The following ZNF430 variants were observed in gnomAD, a reference collection of about 807,000 sequenced individuals.
ZNF430 encodes the protein zinc finger protein 430.
A neutral mutation model predicts 56.7 loss-of-function variants in ZNF430; 35 were observed. The ratio of observed to expected loss-of-function variants is 0.62; its 90% CI spans 0.47 to 0.82. The LOEUF is 0.82. ZNF430 is among the 40% of genes least tolerant of loss of function. The pLI is 0.00. For missense variants in ZNF430, 574 were observed against 661.0 expected, an observed-to-expected ratio of 0.87 and a Z score of 1.44; for synonymous variants, 212 against 224.3, an observed-to-expected ratio of 0.94 and a Z score of 0.49.
intron 1 of ZNF430, among the ~76,000 whole-genome samples, chr19:21,022,066 GACCTCAGGTGATCC>G (rs1967700271): frequency 1.3e-5 from 2 of 152,058 alleles, no homozygotes; most frequent in Admixed American, 1.3e-4. Flanking sequence ...TCGAACTCTT[GACCTCAGGTGATCC>G]GCCTGCCTTG....
chr19:21,057,320 A>G lies in ZNF430; in HGVS notation c.1012A>G (p.Ile338Val). 1 of 1,613,472 alleles carries G rather than the reference A, an allele frequency of 6.2e-7. No homozygotes were observed. The highest frequency in any genetic ancestry group is 8.5e-7 in the Non-Finnish European group (1 of 1,179,958). Residue 338 changes from isoleucine to valine, a missense_variant, in exon 5 of 5, where the codon ATT becomes GTT. By Grantham distance (29) the Ile-to-Val change is conservative (BLOSUM62 3). This residue lies in a region of ZNF430 where 346 missense variants were observed against 399.1 expected (regional missense o/e 0.87). Coordinates refer to ENST00000261560, the MANE Select transcript of ZNF430 (RefSeq NM_025189.4). ...CTCACACCTTACTACACATAAGATT[A>G]TTCATACTGGAGAGAAACCCTACAA... ...RSSHLTTHKIIHTGEKPYKCE... is the reference protein window; with the variant it reads ...RSSHLTTHKIVHTGEKPYKCE...
chr19:21,028,098 C>T (rs1173807981), intron 2 of ZNF430, among the ~76,000 whole-genome samples: 1 of 152,092 alleles, frequency 6.6e-6, no homozygotes, highest in Admixed American at 6.5e-5. Flanking sequence ...CTGGCCTCTT[C>T]CTGGGATTTA....
At chr19:21,054,374 G>T (rs1010989808) in intron 4 of ZNF430, among the ~76,000 whole-genome samples, 3 of 147,082 alleles carry the variant, frequency 2.0e-5, no homozygotes, top group Non-Finnish European at 3.0e-5. Context: ...ATTTTTTAAG[G>T]TTTTTTTTTT....
chr19:21,022,103 GCT>G (rs1299793637), intron 1 of ZNF430, among the ~76,000 whole-genome samples: 1 of 152,116 alleles, frequency 6.6e-6, no homozygotes, highest in African/African-American at 2.4e-5. Context: ...CTCCCAAAAT[GCT>G]GGGATTACAG....
At chr19:21,032,081 G>C (rs967523798) in intron 2 of ZNF430, among the ~76,000 whole-genome samples, 1 of 152,114 alleles carries the variant, frequency 6.6e-6, no homozygotes, top group Non-Finnish European at 1.5e-5. Flanking sequence ...ATTCCTATTG[G>C]GGGAAAGCTG....
intron 4 of ZNF430, among the ~76,000 whole-genome samples, chr19:21,040,071 C>T (rs917923678): frequency 1.3e-5 from 2 of 152,162 alleles, no homozygotes; most frequent in South Asian, 4.1e-4. Flanking sequence ...CTTCTGGTCC[C>T]AAGTGATCCT....
chr19:21,035,340 G>A (rs1967976675), intron 4 of ZNF430: 1 of 152,058 alleles, frequency 6.6e-6, no homozygotes, highest in East Asian at 1.9e-4. Flanking sequence ...CTGTTAAAGT[G>A]TATGGAACAA....
intron 4 of ZNF430, among the ~76,000 whole-genome samples, chr19:21,047,936 G>A (rs1162511893): frequency 6.6e-6 from 1 of 152,110 alleles, no homozygotes; most frequent in South Asian, 2.1e-4. Context: ...AGCCAGCAGG[G>A]GGAAAGACTA....
At chr19:21,055,722 G>A (rs1968364515) in intron 4 of ZNF430, among the ~76,000 whole-genome samples, 1 of 152,110 alleles carries the variant, frequency 6.6e-6, no homozygotes, top group Admixed American at 6.5e-5. Flanking sequence ...CCAAAGTACT[G>A]GAATTACAGG....
At chr19:21,048,712 G>A (rs376076450) in intron 4 of ZNF430, among the ~76,000 whole-genome samples, 7 of 152,066 alleles carry the variant, frequency 4.6e-5, no homozygotes, top group East Asian at 1.9e-4. Context: ...CCTCCCAGAC[G>A]GGGTGGCGGC....
At chr19:21,055,508 G>C (rs1203228103) in intron 4 of ZNF430, among the ~76,000 whole-genome samples, 1 of 151,822 alleles carries the variant, frequency 6.6e-6, no homozygotes, top group African/African-American at 2.4e-5. Flanking sequence ...GAGTGCAGTG[G>C]CGCAATCTCG....
intron 4 of ZNF430, among the ~76,000 whole-genome samples, chr19:21,048,031 T>C (rs1442560419): frequency 6.6e-6 from 1 of 152,200 alleles, no homozygotes; most frequent in African/African-American, 2.4e-5. Flanking sequence ...CCTGTTTTAC[T>C]ACCTTTATTT....
chr19:21,035,955 A>G (rs757137200), intron 4 of ZNF430: 1 of 152,324 alleles, frequency 6.6e-6, no homozygotes, highest in South Asian at 2.1e-4. Context: ...AGTACCGGAG[A>G]GGATTACTGT....
chr19:21,054,819 C>T (rs959410915), intron 4 of ZNF430, among the ~76,000 whole-genome samples: 2 of 151,702 alleles, frequency 1.3e-5, no homozygotes, highest in African/African-American at 2.4e-5. Flanking sequence ...GGACTACAGG[C>T]GCCCGCCACC....
chr19:21,022,377 C>T (rs1967708269), intron 1 of ZNF430, among the ~76,000 whole-genome samples: 1 of 152,146 alleles, frequency 6.6e-6, no homozygotes, highest in Non-Finnish European at 1.5e-5. Flanking sequence ...ACTTTTCCTA[C>T]CTAATTCACA....
At chr19:21,027,453 G>A (rs1350951974) in intron 2 of ZNF430, among the ~76,000 whole-genome samples, 1 of 152,122 alleles carries the variant, frequency 6.6e-6, no homozygotes, top group African/African-American at 2.4e-5. Context: ...TTTATTGATT[G>A]TATATGGAAC....
At position 21,022,784 on chromosome 19, in the gene ZNF430, C is replaced by T; in HGVS notation, c.4-5C>T. On this transcript the variant is annotated splice_polypyrimidine_tract_variant and splice_region_variant and intron_variant, in intron 1 of 4. Transcript: ENST00000261560. ...TATCAGCTTCTGGGTTATTTTCTCCCATAGGAGAACCTGAAGTCTGGAGTG... is the reference window on the plus strand; with the variant it reads ...TATCAGCTTCTGGGTTATTTTCTCCTATAGGAGAACCTGAAGTCTGGAGTG... 6.3e-7 allele frequency: 1 copy of T among 1,595,520 alleles called. No homozygotes were observed. Among genetic ancestry groups the T allele is most frequent in the East Asian group, 2.2e-5 (1 of 44,782 alleles).
At chr19:21,034,232 A>G (rs1373361329) in intron 4 of ZNF430, 48 bp downstream of exon 4, 3 of 1,285,602 alleles carry the variant, frequency 2.3e-6, no homozygotes, top group Non-Finnish European at 3.2e-6. Context: ...AGGTCCAAAA[A>G]AGAAGAAAGC....
At chr19:21,022,009 T>C (rs1434870990) in intron 1 of ZNF430, among the ~76,000 whole-genome samples, 1 of 152,048 alleles carries the variant, frequency 6.6e-6, no homozygotes, top group Non-Finnish European at 1.5e-5. Flanking sequence ...AGCTAATTTT[T>C]GTACTTTTAG....
Sources: allele counts gnomAD v4.1 joint callset (sites outside exome capture counted in the v4.1 genomes callset), GRCh38; gene constraint gnomAD v4.1.1; regional missense constraint gnomAD v4.1.1; transcripts MANE v1.5; gene names NCBI Gene and HGNC (gene_info 2026-07-23, HGNC 2026-07-21).